Variants in MTUS2 observed in about 807,000 individuals in gnomAD.
MTUS2 encodes microtubule-associated tumor suppressor candidate 2.
MTUS2 carries 40 observed loss-of-function variants against 114.1 expected under a neutral mutation model. The observed-to-expected ratio is 0.35, with a 90% CI of 0.27 to 0.46. The LOEUF (loss-of-function observed/expected upper bound fraction) is 0.46. MTUS2 is among the 20% of genes least tolerant of loss of function. MTUS2 has a pLI of 1.00. For synonymous variants in MTUS2, 688 were observed against 672.0 expected (o/e 1.02, Z -0.37); for missense variants, 1,679 against 1,705.4 (o/e 0.98, Z 0.27).
chr13:28,976,405 T>C (rs565843243), intron 2 of MTUS2, among the ~76,000 whole-genome samples: 12 of 152,296 alleles, frequency 7.9e-5, no homozygotes, highest in African/African-American at 2.9e-4. Context: ...GCATGTATAA[T>C]GTGCTAATGA....
chr13:29,389,634 CAT>C lies in MTUS2; in HGVS notation c.3117+30164_3117+30165del, dbSNP rs1555272600. On this transcript the variant is annotated intron_variant, in intron 8 of 15. Coordinates refer to ENST00000612955, the MANE Select transcript of MTUS2 (RefSeq NM_001033602.4). ...ACATATGTGTGTATATATGTATACA[CAT>C]ATGTGTATGTATATACGTATATATG... Among the ~76,000 whole-genome samples the C allele has an allele frequency of 6.6e-5, 7 of 105,512 alleles. 1 individual carries two copies. Among genetic ancestry groups the C allele is most frequent in the African/African-American group, 2.2e-4 (5 of 22,790 alleles). The allele number at this position is 105,512 out of a possible 152,430, so 69.2% of individuals were successfully genotyped here.
chr13:29,478,563 G>C (rs1019287344), intron 9 of MTUS2, among the ~76,000 whole-genome samples: 3 of 152,182 alleles, frequency 2.0e-5, no homozygotes, highest in African/African-American at 4.8e-5. Flanking sequence ...TTTTTGAGGA[G>C]GAGTCTTTTT....
intron 5 of MTUS2, among the ~76,000 whole-genome samples, chr13:29,228,940 C>T (rs1004245453): frequency 6.6e-6 from 1 of 152,044 alleles, no homozygotes; most frequent in African/African-American, 2.4e-5. Context: ...GCTTGAGAAA[C>T]GTGGACAAGA....
intron 2 of MTUS2, among the ~76,000 whole-genome samples, chr13:29,000,614 T>C (rs4258467): frequency 0.018 from 2,689 of 152,178 alleles, 82 homozygotes; most frequent in African/African-American, 0.061. Flanking sequence ...GATCCACCCA[T>C]CTTGGCCTCC....
rs183767398 is a variant in MTUS2 at position 29,098,242 on chromosome 13, A to C, written c.2447-2531A>C. On this transcript the variant is annotated intron_variant, in intron 4 of 15. Transcript: ENST00000612955. The stretch of plus-strand genomic sequence containing the variant: ...TAAATATTTATCAAATACATTGTGG[A>C]AACCATTGTGCTAGGAGCTGGTGGT... Among the ~76,000 whole-genome samples the C allele has an allele frequency of 3.4e-3, 512 of 152,320 alleles. 2 individuals are homozygous for C. Among genetic ancestry groups the C allele is most frequent in the Admixed American group, 4.0e-3 (61 of 15,306 alleles).
At chr13:28,929,288 G>A (rs1881488684) in intron 2 of MTUS2, among the ~76,000 whole-genome samples, 1 of 152,100 alleles carries the variant, frequency 6.6e-6, no homozygotes, top group Admixed American at 6.5e-5. Context: ...ATAATCTATT[G>A]TACATTTCAG....
At chr13:29,460,072 A>G (rs1174572071) in intron 9 of MTUS2, among the ~76,000 whole-genome samples, 2 of 152,226 alleles carry the variant, frequency 1.3e-5, no homozygotes, top group Non-Finnish European at 2.9e-5. Context: ...TGAAATATCA[A>G]GGAGCATAAA....
chr13:29,059,809 G>A (rs756556641), intron 4 of MTUS2, among the ~76,000 whole-genome samples: 8 of 152,330 alleles, frequency 5.3e-5, no homozygotes, highest in Non-Finnish European at 8.8e-5. Context: ...AAGTGGGACC[G>A]TTTGTCTGTA....
At chr13:28,872,271 G>A (rs2138104730) in intron 2 of MTUS2, among the ~76,000 whole-genome samples, 1 of 152,244 alleles carries the variant, frequency 6.6e-6, no homozygotes, top group Admixed American at 6.5e-5. Context: ...GGGGGTGTAA[G>A]GGAAAGAGAG....
chr13:28,957,496 C>A (rs1029226804), intron 2 of MTUS2, among the ~76,000 whole-genome samples: 3 of 152,184 alleles, frequency 2.0e-5, no homozygotes, highest in African/African-American at 7.2e-5. Context: ...CATGCACAGA[C>A]TTTTTTTCTT....
At chr13:28,824,836 A>G (rs1874155880) in intron 1 of MTUS2, among the ~76,000 whole-genome samples, 1 of 152,220 alleles carries the variant, frequency 6.6e-6, no homozygotes, top group African/African-American at 2.4e-5. Flanking sequence ...TACTTAATAT[A>G]TCAGGTATGG....
chr13:29,402,630 A>G (rs1417154167), intron 8 of MTUS2, among the ~76,000 whole-genome samples: 2 of 152,192 alleles, frequency 1.3e-5, no homozygotes, highest in Non-Finnish European at 2.9e-5. Context: ...TGAATCATTC[A>G]TATTATTAAG....
intron 2 of MTUS2, among the ~76,000 whole-genome samples, chr13:28,970,164 T>C (rs187125226): frequency 9.1e-4 from 139 of 152,370 alleles, no homozygotes; most frequent in Non-Finnish European, 1.7e-3. Context: ...AAAATTTAGT[T>C]TTATTTTTAT....
At chr13:29,156,287 A>T (rs958033164) in intron 5 of MTUS2, among the ~76,000 whole-genome samples, 2 of 152,192 alleles carry the variant, frequency 1.3e-5, no homozygotes, top group African/African-American at 4.8e-5. Flanking sequence ...AGAATAAGTC[A>T]CAGTTGAGTC....
chr13:29,309,751 T>C (rs9506132), intron 6 of MTUS2, among the ~76,000 whole-genome samples: 150,743 of 152,168 alleles, frequency 0.99, 74,682 homozygotes, highest in Middle Eastern at 1. Context: ...AATAAGGGCC[T>C]GGCATTATGC....
chr13:28,882,044 C>T (rs1241723795), intron 2 of MTUS2, among the ~76,000 whole-genome samples: 1 of 152,104 alleles, frequency 6.6e-6, no homozygotes, highest in Admixed American at 6.5e-5. Context: ...TCCCTCACAC[C>T]ATGTGTACAA....
At chr13:29,179,853 A>T (rs1893925520) in intron 5 of MTUS2, among the ~76,000 whole-genome samples, 1 of 152,152 alleles carries the variant, frequency 6.6e-6, no homozygotes, top group Admixed American at 6.5e-5. Context: ...TATCTGAAGG[A>T]ATTTTTTCCT....
intron 2 of MTUS2, among the ~76,000 whole-genome samples, chr13:28,995,386 C>T (rs532346125): frequency 5.3e-4 from 81 of 151,970 alleles, no homozygotes; most frequent in Middle Eastern, 3.4e-3. Context: ...AATGAGGGCT[C>T]TTTTTTGGTT....
At chr13:28,948,764 G>A (rs2138164560) in intron 2 of MTUS2, among the ~76,000 whole-genome samples, 1 of 152,274 alleles carries the variant, frequency 6.6e-6, no homozygotes, top group East Asian at 1.9e-4. Flanking sequence ...AGGGGAACAG[G>A]GGTGGGGAAA....
Sources: allele counts gnomAD v4.1 joint callset (sites outside exome capture counted in the v4.1 genomes callset), GRCh38; gene constraint gnomAD v4.1.1; transcripts MANE v1.5; gene names NCBI Gene and HGNC (gene_info 2026-07-23, HGNC 2026-07-21).